Variants in CSMD1 observed in about 807,000 individuals in gnomAD.
CSMD1 encodes CUB and Sushi multiple domains 1, also known as CUB and sushi domain-containing protein 1.
A neutral mutation model predicts 417.5 loss-of-function variants in CSMD1; 213 were observed. The ratio of observed to expected loss-of-function variants is 0.51; its 90% CI spans 0.46 to 0.57. The LOEUF is 0.57. Ranked by LOEUF, CSMD1 falls within the 20% of genes least tolerant of loss-of-function variation. The pLI, the probability that CSMD1 is intolerant of heterozygous loss-of-function variation, is 0.00. For synonymous variants in CSMD1, 2,862 were observed against 1,736.8 expected, an observed-to-expected ratio of 1.65 and a Z score of -16.11; for missense variants, 6,923 against 4,529.7, an observed-to-expected ratio of 1.53 and a Z score of -15.17.
intron 1 of CSMD1, among the ~76,000 whole-genome samples, chr8:4,799,676 T>C (rs1390610394): frequency 1.3e-5 from 2 of 151,020 alleles, no homozygotes; most frequent in East Asian, 3.9e-4. Flanking sequence ...GGGACTTTAT[T>C]TTCACTGCTT....
At chr8:4,141,402 G>C (rs991010523) in intron 3 of CSMD1, among the ~76,000 whole-genome samples, 1 of 151,102 alleles carries the variant, frequency 6.6e-6, no homozygotes, top group African/African-American at 2.5e-5. Flanking sequence ...GAAAGATTTG[G>C]CTAAACAAAG....
chr8:3,644,991 A>AAAAAAAAAAAAAAAAAAT, intron 7 of CSMD1, among the ~76,000 whole-genome samples: 1 of 149,972 alleles, frequency 6.7e-6, no homozygotes, highest in Admixed American at 6.6e-5. Flanking sequence ...AAAAAAAAAA[A>AAAAAAAAAAAAAAAAAAT]GTCAATTGTT....
In CSMD1 at chr8:2,978,748, T is replaced by C. The variant is rs375630306; in HGVS notation, c.8430A>G (p.Gln2810=). ...ACTCAAAACTCTCAGGGAAGTTCTGTTGCCCGTGACGAATGGCATTTTCCA... is the reference window on the plus strand; with the variant it reads ...ACTCAAAACTCTCAGGGAAGTTCTGCTGCCCGTGACGAATGGCATTTTCCA... ...GFVENAIRHG[Q]QNFPESFEYG... is the part of the protein sequence containing the mutation. Residue 2810 remains glutamine, a synonymous_variant, in exon 55 of 70, where the codon CAA becomes CAG. Coordinates refer to ENST00000635120, the MANE Select transcript of CSMD1 (RefSeq NM_033225.6). 2.5e-6 allele frequency: 4 copies of C among 1,613,618 alleles called. No homozygotes were observed. In the South Asian group the frequency reaches 3.3e-5, roughly 13 times the overall value.
In CSMD1 at chr8:4,987,158, G is replaced by A. The variant is rs559052970; in HGVS notation, c.85+7174C>T. The stretch of plus-strand genomic sequence containing the variant: ...TGTATCAGAATTACCTGGGATGGGC[G>A]TGGGTAGAAAATAAATAGATTTCTA... On this transcript the variant is annotated intron_variant, in intron 1 of 69. Coordinates refer to ENST00000635120, the MANE Select transcript of CSMD1 (RefSeq NM_033225.6). Among the ~76,000 whole-genome samples the A allele has an allele frequency of 1.8e-4, 27 of 152,208 alleles. 1 individual carries two copies. In the South Asian group the frequency reaches 2.5e-3, roughly 14 times the overall value.
chr8:4,042,624 T>C (rs750581670), intron 3 of CSMD1, among the ~76,000 whole-genome samples: 11 of 151,792 alleles, frequency 7.2e-5, no homozygotes, highest in Non-Finnish European at 1.3e-4. Context: ...TGGGGAATTA[T>C]AAAATATATT....
At chr8:4,631,931 C>T (rs543833781) in intron 2 of CSMD1, among the ~76,000 whole-genome samples, 13 of 152,280 alleles carry the variant, frequency 8.5e-5, no homozygotes, top group African/African-American at 3.1e-4. Context: ...TAAAATCTCC[C>T]TTCATAGATT....
rs1262848458 is a variant in CSMD1, at chr8:3,796,683, G to C, written c.819-42641C>G. On this transcript the variant is annotated intron_variant, in intron 5 of 69. Coordinates refer to ENST00000635120, the MANE Select transcript of CSMD1 (RefSeq NM_033225.6). The stretch of plus-strand genomic sequence containing the variant: ...ACCTATATATCTATATGTATACATT[G>C]GAAGGTTAGAAAAGATGAGAATGGG... Among the ~76,000 whole-genome samples the C allele has an allele frequency of 3.3e-5, 5 of 150,080 alleles. No individual in the cohort carries two copies. The South Asian group carries it at 8.4e-4, about 25-fold the overall frequency.
At chr8:4,534,398 T>A (rs1331530045) in intron 2 of CSMD1, among the ~76,000 whole-genome samples, 1 of 152,212 alleles carries the variant, frequency 6.6e-6, no homozygotes, top group Admixed American at 6.5e-5. Flanking sequence ...TTGAAACTTG[T>A]TTTCACTCAT....
chr8:3,189,839 T>G, intron 34 of CSMD1, 73 bp downstream of exon 34: 1 of 1,358,516 alleles, frequency 7.4e-7, no homozygotes, highest in Non-Finnish European at 1.0e-6. Flanking sequence ...GTAGCCTGGA[T>G]AGAAACATGA....
intron 1 of CSMD1, among the ~76,000 whole-genome samples, chr8:4,900,445 ACATT>A (rs1325561998): frequency 1.3e-5 from 2 of 152,172 alleles, no homozygotes; most frequent in African/African-American, 4.8e-5. Flanking sequence ...CTCCTAAATA[ACATT>A]CAGTTTATCC....
chr8:3,214,235 A>G (rs1485984654), intron 30 of CSMD1, among the ~76,000 whole-genome samples: 2 of 152,174 alleles, frequency 1.3e-5, no homozygotes, highest in African/African-American at 4.8e-5. Context: ...GATCTAGAAC[A>G]CACAAAAACA....
rs562109744 is a variant in CSMD1, at chr8:4,877,969, ATATG to A, written c.85+116359_85+116362del. 1.1e-3 allele frequency among the ~76,000 whole-genome samples: 165 copies of A among 152,192 alleles called. 1 individual carries two copies. The highest frequency in any genetic ancestry group is 2.0e-3 in the Non-Finnish European group (134 of 68,008). ...CAGAGACACACTATAATCCAAACAC[ATATG>A]TATGTGCACACCCATGACCCTGTTC... On this transcript the variant is annotated intron_variant, in intron 1 of 69. Coordinates refer to ENST00000635120, the MANE Select transcript of CSMD1 (RefSeq NM_033225.6).
In CSMD1 at chr8:4,788,348, A is replaced by C. The variant is rs1294055407; in HGVS notation, c.86-150790T>G. The C allele has an allele frequency of 6.6e-6, 10 of 1,513,630 alleles. No homozygotes were observed. In the Admixed American group the frequency reaches 1.9e-4, roughly 28 times the overall value. The allele number at this position is 1,513,630 out of a possible 1,614,324, so 93.8% of individuals were successfully genotyped here. A position where few individuals can be genotyped will look rare whatever the true frequency, so the allele number is the denominator to read the frequency against. ...TGATGTCTGGGAACACTGCATATCC[A>C]GTTATCACCTGTCCTCCCCTCACAC... On this transcript the variant is annotated intron_variant, in intron 1 of 69. Transcript: ENST00000635120.
chr8:3,424,822 TATC>T (rs2116992837), intron 12 of CSMD1, among the ~76,000 whole-genome samples: 1 of 152,312 alleles, frequency 6.6e-6, no homozygotes, highest in African/African-American at 2.4e-5. Flanking sequence ...GGCATATTGT[TATC>T]ATCATTCTAT....
At chr8:4,136,941 A>C (rs1354780359) in intron 3 of CSMD1, among the ~76,000 whole-genome samples, 1 of 152,242 alleles carries the variant, frequency 6.6e-6, no homozygotes, top group Non-Finnish European at 1.5e-5. Flanking sequence ...AGATTAAAAT[A>C]TCATCAAAAC....
intron 1 of CSMD1, among the ~76,000 whole-genome samples, chr8:4,991,254 T>A (rs949324051): frequency 6.6e-6 from 1 of 152,152 alleles, no homozygotes; most frequent in Non-Finnish European, 1.5e-5. Context: ...TTTCCCCTGG[T>A]CCCTGAAAAT....
intron 2 of CSMD1, among the ~76,000 whole-genome samples, chr8:4,620,798 A>C (rs957757939): frequency 6.6e-6 from 1 of 151,946 alleles, no homozygotes; most frequent in Non-Finnish European, 1.5e-5. Context: ...TAAAAAAGAG[A>C]GAGCCAAATT....
At chr8:3,848,961 G>A (rs3115655) in intron 5 of CSMD1, among the ~76,000 whole-genome samples, 27,608 of 150,452 alleles carry the variant, frequency 0.18, 2,713 homozygotes, top group East Asian at 0.4. Flanking sequence ...ATATACTATT[G>A]CAAAAATATA....
chr8:4,424,546 A>T (rs948225329), intron 2 of CSMD1, among the ~76,000 whole-genome samples: 4 of 152,070 alleles, frequency 2.6e-5, no homozygotes, highest in African/African-American at 9.7e-5. Flanking sequence ...AATAATGACA[A>T]CATCACATGC....
Sources: gnomAD v4.1 joint callset for allele counts (sites outside exome capture counted in the v4.1 genomes callset) on GRCh38, gnomAD v4.1.1 for gene constraint, MANE v1.5 for transcripts, NCBI Gene and HGNC (gene_info 2026-07-23, HGNC 2026-07-21) for gene names.